Variants in BTRC observed in about 807,000 individuals in gnomAD.
BTRC encodes the protein F-box/WD repeat-containing protein 1A.
In BTRC, 42 loss-of-function variants were observed where a neutral mutation model predicts 85.5. That is an observed-to-expected ratio of 0.49 (90% CI 0.38 to 0.64). The LOEUF (loss-of-function observed/expected upper bound fraction) is 0.64. Ranked by LOEUF, BTRC falls within the 30% of genes least tolerant of loss-of-function variation. The probability of loss-of-function intolerance (pLI) is 0.00; values close to 1 mark genes in which losing one functional copy is unlikely to be tolerated. For synonymous variants in BTRC, 255 were observed against 263.3 expected (o/e 0.97, Z 0.30); for missense variants, 594 against 743.5 (o/e 0.80, Z 2.34).
intron 4 of BTRC, among the ~76,000 whole-genome samples, chr10:101,516,744 TG>T (rs1240873544): frequency 1.3e-5 from 2 of 152,230 alleles, no homozygotes; most frequent in Non-Finnish European, 2.9e-5. Context: ...TGATAGCCAC[TG>T]ATCAAAGCAT....
At chr10:101,366,193 A>G (rs891671025) in intron 1 of BTRC, among the ~76,000 whole-genome samples, 2 of 152,162 alleles carry the variant, frequency 1.3e-5, no homozygotes, top group African/African-American at 4.8e-5. Flanking sequence ...ACTTGGCAAT[A>G]AAGTATAGGA....
At chr10:101,538,255 C>T in intron 12 of BTRC, 38 bp from the exon 13 acceptor site, 2 of 1,550,024 alleles carry the variant, frequency 1.3e-6, no homozygotes, top group Admixed American at 1.7e-5. Flanking sequence ...CTTACATTTG[C>T]TTTTAACTAA....
chr10:101,535,471 A>G lies in BTRC; in HGVS notation c.1465A>G (p.Arg489Gly). The G allele has an allele frequency of 6.2e-7, 1 of 1,604,362 alleles. No homozygotes were observed. The highest frequency in any genetic ancestry group is 8.5e-7 in the Non-Finnish European group (1 of 1,172,004). Residue 489 changes from arginine (R) to glycine (G), a missense_variant and splice_region_variant, in exon 11 of 15, where the codon AGA becomes GGA. Physicochemically the swap from Arg to Gly is moderately radical, Grantham distance 125. This residue lies in a region of BTRC where 373 missense variants were observed against 503.6 expected (regional missense o/e 0.74). Transcript: ENST00000370187. ...VVSGSSDNTI[R>G]LWDIECGACL... ...GAGTGGCTCATCTGACAACACTATC[A>G]GGTGAGCAGCAAGTGCCTTGTATCA... is the stretch of plus-strand genomic sequence containing the variant.
intron 1 of BTRC, among the ~76,000 whole-genome samples, chr10:101,381,021 T>C (rs1942914306): frequency 6.6e-6 from 1 of 152,222 alleles, no homozygotes; most frequent in Non-Finnish European, 1.5e-5. Flanking sequence ...TACAGTGTTA[T>C]AATTTTATGA....
intron 1 of BTRC, among the ~76,000 whole-genome samples, chr10:101,358,342 G>A (rs1426568553): frequency 6.6e-6 from 1 of 152,090 alleles, no homozygotes; most frequent in Non-Finnish European, 1.5e-5. Flanking sequence ...TGGGCTCAAG[G>A]GGTCCTCCTG....
chr10:101,514,598 G>A (rs772540376), intron 4 of BTRC, among the ~76,000 whole-genome samples: 14 of 152,122 alleles, frequency 9.2e-5, no homozygotes, highest in Non-Finnish European at 4.4e-5. Context: ...GATTATAGGC[G>A]TGTGCCATGA....
At chr10:101,450,019 A>G (rs1338829831) in intron 2 of BTRC, among the ~76,000 whole-genome samples, 5 of 151,978 alleles carry the variant, frequency 3.3e-5, no homozygotes, top group Admixed American at 6.5e-5. Context: ...ACTACTTGAA[A>G]GGGTAAGGTA....
At chr10:101,413,613 C>G (rs978099229) in intron 1 of BTRC, among the ~76,000 whole-genome samples, 1 of 151,852 alleles carries the variant, frequency 6.6e-6, no homozygotes, top group African/African-American at 2.4e-5. Context: ...TGCACCCAGC[C>G]TGAGGGAAGT....
intron 4 of BTRC, among the ~76,000 whole-genome samples, chr10:101,519,074 CTT>C (rs35213665): frequency 4.8e-5 from 5 of 104,926 alleles, no homozygotes; most frequent in Admixed American, 1.1e-4. Flanking sequence ...CTCTTCTCAG[CTT>C]TTTTTTTTTT....
chr10:101,381,166 C>T lies in BTRC; in HGVS notation c.48+26938C>T, dbSNP rs184479840. 3.0e-3 allele frequency among the ~76,000 whole-genome samples: 464 copies of T among 152,192 alleles called. 1 individual carries two copies. The highest frequency in any genetic ancestry group is 4.7e-3 in the Non-Finnish European group (319 of 68,008). ...ATAATGGCAGCCAACACTTGTAGCTCAGTATATACCGTGCAGGATTCTAGA... is the reference window on the plus strand; with the variant it reads ...ATAATGGCAGCCAACACTTGTAGCTTAGTATATACCGTGCAGGATTCTAGA... On this transcript the variant is annotated intron_variant, in intron 1 of 14. Transcript: ENST00000370187.
intron 4 of BTRC, among the ~76,000 whole-genome samples, chr10:101,501,871 C>G (rs1365757914): frequency 6.6e-6 from 1 of 152,162 alleles, no homozygotes; most frequent in East Asian, 1.9e-4. Context: ...TACAACCCCT[C>G]TTCCCAGAAA....
chr10:101,405,998 T>C (rs900024085), intron 1 of BTRC, among the ~76,000 whole-genome samples: 6 of 152,160 alleles, frequency 3.9e-5, no homozygotes, highest in African/African-American at 1.4e-4. Flanking sequence ...TTGCTTATTC[T>C]ATCAATAGCT....
intron 5 of BTRC, 72 bp downstream of exon 5, chr10:101,521,942 C>A (rs2062112079): frequency 8.7e-7 from 1 of 1,152,508 alleles, no homozygotes; most frequent in Non-Finnish European, 1.2e-6. Flanking sequence ...AGCTATATAT[C>A]TCTCTTTAAA....
intron 1 of BTRC, among the ~76,000 whole-genome samples, chr10:101,360,469 G>T (rs1331121281): frequency 6.6e-6 from 1 of 150,696 alleles, no homozygotes; most frequent in African/African-American, 2.4e-5. Flanking sequence ...CGCTTCCCAG[G>T]TTCAGGCAAT....
In BTRC at chr10:101,399,989, A is replaced by G. The variant is rs566909177; in HGVS notation, c.49-30356A>G. Reference sequence around the variant, plus strand: ...GGAGAATTTCTTGTCTAACCTCAGTAATAACCATACCATCACAAAAGAAGG... The same window carrying G: ...GGAGAATTTCTTGTCTAACCTCAGTGATAACCATACCATCACAAAAGAAGG... On this transcript the variant is annotated intron_variant, in intron 1 of 14. Transcript: ENST00000370187. Among the ~76,000 whole-genome samples the G allele has an allele frequency of 9.5e-4, 145 of 152,338 alleles. 3 individuals are homozygous for G. In the South Asian group the frequency reaches 0.029, roughly 30 times the overall value.
Position 101,428,433 on chromosome 10 carries a change from A to G in BTRC, c.49-1912A>G, listed in dbSNP as rs540421443. ...ATAAAATGGATCGTAGCTTGAGGTG[A>G]GGAAACGTTGAAAACAGTGAACAAA... On this transcript the variant is annotated intron_variant, in intron 1 of 14. Transcript: ENST00000370187. Among the ~76,000 whole-genome samples, 27 of 152,350 alleles carry G rather than the reference A, an allele frequency of 1.8e-4. No homozygotes were observed. The South Asian group carries it at 2.3e-3, about 13-fold the overall frequency.
At chr10:101,403,438 T>G (rs1212094898) in intron 1 of BTRC, among the ~76,000 whole-genome samples, 1 of 152,240 alleles carries the variant, frequency 6.6e-6, no homozygotes, top group African/African-American at 2.4e-5. Flanking sequence ...GTTGCTGGAT[T>G]TTATTTGCCA....
At chr10:101,458,675 C>T (rs1945143624) in intron 2 of BTRC, among the ~76,000 whole-genome samples, 1 of 152,104 alleles carries the variant, frequency 6.6e-6, no homozygotes, top group Non-Finnish European at 1.5e-5. Flanking sequence ...TTCTTAGGTA[C>T]AAACTAGTAA....
At chr10:101,551,814 G>A (rs977193788) in intron 14 of BTRC, among the ~76,000 whole-genome samples, 1 of 152,206 alleles carries the variant, frequency 6.6e-6, no homozygotes, top group African/African-American at 2.4e-5. Flanking sequence ...CACAGGCTGT[G>A]TGCCCTTAGA....
Sources: gnomAD v4.1 joint callset for allele counts (sites outside exome capture counted in the v4.1 genomes callset) on GRCh38, gnomAD v4.1.1 for gene constraint, gnomAD v4.1.1 regional missense constraint, MANE v1.5 for transcripts, NCBI Gene and HGNC (gene_info 2026-07-23, HGNC 2026-07-21) for gene names.